PDZRN4: variants seen among roughly 807,000 people sequenced by gnomAD.
PDZRN4 encodes PDZ domain containing ring finger 4.
Under a neutral mutation model 99.0 loss-of-function variants are expected in PDZRN4, and 70 were observed. The observed-to-expected ratio is 0.71, with a 90% confidence interval of 0.58 to 0.86. PDZRN4 has a LOEUF of 0.86. PDZRN4 is among the 40% of genes least tolerant of loss of function. The pLI is 0.00. For missense variants in PDZRN4, 1,474 were observed against 1,331.2 expected (o/e 1.11, Z -1.67); for synonymous variants, 551 against 501.6 (o/e 1.10, Z -1.32).
At chr12:41,492,019 G>T (rs1398310324) in intron 3 of PDZRN4, among the ~76,000 whole-genome samples, 1 of 152,066 alleles carries the variant, frequency 6.6e-6, no homozygotes, top group Admixed American at 6.6e-5. Flanking sequence ...CCAGAAAAAT[G>T]GAATTTATGC....
chr12:41,382,823 A>G (rs988196056), intron 3 of PDZRN4, among the ~76,000 whole-genome samples: 2 of 152,344 alleles, frequency 1.3e-5, no homozygotes, highest in African/African-American at 4.8e-5. Flanking sequence ...GTGTTAAGAA[A>G]GGGCTACTAC....
At chr12:41,521,400 T>TG (rs1459401384) in intron 5 of PDZRN4, among the ~76,000 whole-genome samples, 2 of 151,980 alleles carry the variant, frequency 1.3e-5, no homozygotes, top group Non-Finnish European at 2.9e-5. Context: ...GAAAGCTTGT[T>TG]GGGAAAAAAA....
chr12:41,524,123 T>C (rs1938532835), intron 5 of PDZRN4, among the ~76,000 whole-genome samples: 2 of 152,230 alleles, frequency 1.3e-5, no homozygotes, highest in South Asian at 4.1e-4. Flanking sequence ...GCATTAAAGA[T>C]AAAATACTTA....
intron 3 of PDZRN4, among the ~76,000 whole-genome samples, chr12:41,484,737 G>A: frequency 6.6e-6 from 1 of 152,126 alleles, no homozygotes; most frequent in South Asian, 2.1e-4. Context: ...GTATCTTTGG[G>A]CTATTTACGT....
intron 3 of PDZRN4, among the ~76,000 whole-genome samples, chr12:41,350,663 C>A (rs1280655161): frequency 6.6e-6 from 1 of 152,082 alleles, no homozygotes; most frequent in Non-Finnish European, 1.5e-5. Flanking sequence ...AAATATAATG[C>A]ATAGTTTCTT....
intron 3 of PDZRN4, among the ~76,000 whole-genome samples, chr12:41,209,277 G>A (rs1950871175): frequency 6.6e-6 from 1 of 151,594 alleles, no homozygotes; most frequent in Non-Finnish European, 1.5e-5. Context: ...CTGAAAATTA[G>A]GCATCATTTT....
intron 3 of PDZRN4, among the ~76,000 whole-genome samples, chr12:41,404,142 TTTTA>T (rs1392232652): frequency 6.6e-6 from 1 of 152,178 alleles, no homozygotes; most frequent in African/African-American, 2.4e-5. Context: ...GCTGTATCAT[TTTTA>T]TTTAAATTAT....
intron 3 of PDZRN4, among the ~76,000 whole-genome samples, chr12:41,472,398 T>G (rs1953002378): frequency 6.6e-6 from 1 of 152,248 alleles, no homozygotes; most frequent in South Asian, 2.1e-4. Flanking sequence ...CTAGATACCC[T>G]TTTATAGATA....
At chr12:41,227,607 G>C (rs1951002850) in intron 3 of PDZRN4, among the ~76,000 whole-genome samples, 1 of 152,086 alleles carries the variant, frequency 6.6e-6, no homozygotes, top group South Asian at 2.1e-4. Flanking sequence ...GGAGGTTGCA[G>C]TGTGTTAAGA....
chr12:41,345,982 G>T (rs541202673), intron 3 of PDZRN4, among the ~76,000 whole-genome samples: 28 of 151,868 alleles, frequency 1.8e-4, no homozygotes, highest in Non-Finnish European at 3.5e-4. Context: ...AGTATTTTTA[G>T]TGTTTACTGG....
At chr12:41,487,240 G>T (rs983044345) in intron 3 of PDZRN4, among the ~76,000 whole-genome samples, 1 of 125,602 alleles carries the variant, frequency 8.0e-6, no homozygotes, top group Non-Finnish European at 1.6e-5. Context: ...GCACATGGCT[G>T]GTGCCCAATA....
intron 3 of PDZRN4, among the ~76,000 whole-genome samples, chr12:41,384,840 A>G (rs1037679152): frequency 6.6e-6 from 1 of 152,094 alleles, no homozygotes; most frequent in African/African-American, 2.4e-5. Flanking sequence ...GCAATGCCCA[A>G]CTCCAGGGGC....
intron 3 of PDZRN4, among the ~76,000 whole-genome samples, chr12:41,307,679 T>G (rs1951580992): frequency 6.6e-6 from 1 of 152,148 alleles, no homozygotes; most frequent in African/African-American, 2.4e-5. Flanking sequence ...TGTGGTATTT[T>G]TTTCTTACCA....
At chr12:41,505,637 TC>T (rs1358905611) in intron 3 of PDZRN4, among the ~76,000 whole-genome samples, 1 of 151,952 alleles carries the variant, frequency 6.6e-6, no homozygotes, top group Non-Finnish European at 1.5e-5. Flanking sequence ...GCCAATGGTT[TC>T]TGCCCCTGTT....
At chr12:41,201,299 C>T (rs553468863) in intron 3 of PDZRN4, among the ~76,000 whole-genome samples, 1 of 152,002 alleles carries the variant, frequency 6.6e-6, no homozygotes, top group African/African-American at 2.4e-5. Flanking sequence ...TGACAAACTC[C>T]TTTGTATCCT....
At chr12:41,528,182 T>G (rs1302611514) in intron 5 of PDZRN4, among the ~76,000 whole-genome samples, 1 of 145,202 alleles carries the variant, frequency 6.9e-6, no homozygotes, top group Non-Finnish European at 1.5e-5. Context: ...TTTTGGGGGG[T>G]TTTTTGTTTG....
In PDZRN4 at chr12:41,188,753, C is replaced by A; in HGVS notation, c.298C>A (p.His100Asn). The A allele has an allele frequency of 6.8e-7, 1 of 1,472,766 alleles. No homozygotes were observed. The highest frequency in any genetic ancestry group is 1.4e-5 in the South Asian group (1 of 73,808). 91.2% of individuals were successfully genotyped at this position (1,472,766 alleles called of 1,614,324 possible). The change falls in exon 1 of 10, where the codon CAC becomes AAC. Residue 100 changes from histidine to asparagine, a missense_variant. Coordinates refer to ENST00000402685, the MANE Select transcript of PDZRN4 (RefSeq NM_001164595.2). Reference protein sequence around the residue: ...HSVRLHELEAHVEHCDFGPAR... With the variant: ...HSVRLHELEANVEHCDFGPAR... ...GGTCAGGCTGCACGAGCTGGAGGCG[C>A]ACGTCGAGCACTGCGACTTCGGCCC...
At chr12:41,533,463 G>C (rs1248390162) in intron 5 of PDZRN4, among the ~76,000 whole-genome samples, 2 of 152,178 alleles carry the variant, frequency 1.3e-5, no homozygotes, top group Non-Finnish European at 2.9e-5. Context: ...GTGAGCCACT[G>C]AGCCCAGCCT....
rs369049394 is a variant in PDZRN4, at chr12:41,436,992, A to G, written c.844-69464A>G. Among the ~76,000 whole-genome samples the G allele has an allele frequency of 9.9e-5, 15 of 152,148 alleles. No homozygotes were observed. The East Asian group carries it at 2.1e-3, about 21-fold the overall frequency. On this transcript the variant is annotated intron_variant, in intron 3 of 9. Transcript: ENST00000402685. ...GGCATTGTGTTGATCTACTTTTTGA[A>G]TACAAATCTACATGCGTTATATGCT...
Sources: allele counts gnomAD v4.1 joint callset (sites outside exome capture counted in the v4.1 genomes callset), GRCh38; gene constraint gnomAD v4.1.1; transcripts MANE v1.5; gene names NCBI Gene and HGNC (gene_info 2026-07-23, HGNC 2026-07-21).